SCNN1G: variants seen among roughly 807,000 people sequenced by gnomAD.
SCNN1G encodes the protein sodium channel epithelial 1 subunit gamma.
A neutral mutation model predicts 64.6 loss-of-function variants in SCNN1G; 27 were observed. That is an observed-to-expected ratio of 0.42 (90% CI 0.31 to 0.58). The LOEUF (loss-of-function observed/expected upper bound fraction) is 0.58. Ranked by LOEUF, SCNN1G falls within the 20% of genes least tolerant of loss-of-function variation. SCNN1G has a pLI of 0.18. For synonymous variants in SCNN1G, 330 were observed against 314.2 expected, an observed-to-expected ratio of 1.05 and a Z score of -0.53; for missense variants, 743 against 823.4, an observed-to-expected ratio of 0.90 and a Z score of 1.19.
At position 23,215,195 on chromosome 16, in the gene SCNN1G, C is replaced by T; in HGVS notation, c.1676C>T (p.Ser559Phe). The change falls in exon 13 of 13, where the codon TCT becomes TTT. Residue 559 changes from serine (S) to phenylalanine (F), a missense_variant. Ser to Phe is a radical substitution (Grantham distance 155, BLOSUM62 -2). Transcript: ENST00000300061. ...IIEVFFIDFF[S>F]IIARRQWQKA... ...GAGGTCTTCTTCATTGACTTCTTCT[C>T]TATCATTGCCCGCCGCCAGTGGCAG... 6.2e-7 allele frequency: 1 copy of T among 1,614,182 alleles called. No individual in the cohort carries two copies. The highest frequency in any genetic ancestry group is 8.5e-7 in the Non-Finnish European group (1 of 1,180,036).
At chr16:23,183,335 G>A (rs1337293701) in intron 1 of SCNN1G, among the ~76,000 whole-genome samples, 3 of 152,226 alleles carry the variant, frequency 2.0e-5, no homozygotes, top group Admixed American at 6.5e-5. Flanking sequence ...AGGGCTGCGG[G>A]GTCGCTCGGC....
At position 23,212,151 on chromosome 16, in the gene SCNN1G, A is replaced by G; in HGVS notation, c.1294A>G (p.Met432Val). ...CAACTACCAGCAGCACCCCAACTGGAGTGAGTGAGACCCAGCTCCAGCCTT... is the reference window on the plus strand; with the variant it reads ...CAACTACCAGCAGCACCCCAACTGGGGTGAGTGAGACCCAGCTCCAGCCTT... ...YCNYQQHPNW[M>V]YCYYQLHRAF... Residue 432 changes from methionine (M) to valine (V), a missense_variant and splice_region_variant, in exon 8 of 13, where the codon ATG (methionine) becomes GTG (valine). Coordinates refer to ENST00000300061, the MANE Select transcript of SCNN1G (RefSeq NM_001039.4). 6.3e-7 allele frequency: 1 copy of G among 1,598,778 alleles called. No individual in the cohort carries two copies. Among genetic ancestry groups the G allele is most frequent in the Non-Finnish European group, 8.6e-7 (1 of 1,166,236 alleles).
At chr16:23,193,737 T>G (rs1176597338) in intron 4 of SCNN1G, among the ~76,000 whole-genome samples, 3 of 152,226 alleles carry the variant, frequency 2.0e-5, no homozygotes, top group African/African-American at 7.2e-5. Flanking sequence ...TTGGTTCTTG[T>G]GAAAAGTAAA....
rs1959638274 is a variant in SCNN1G at position 23,187,788 on chromosome 16, G to A, written c.317+1200G>A. 3.9e-5 allele frequency among the ~76,000 whole-genome samples: 6 copies of A among 152,320 alleles called. No individual in the cohort carries two copies. In the South Asian group the frequency reaches 1.2e-3, roughly 32 times the overall value. On this transcript the variant is annotated intron_variant, in intron 2 of 12. Transcript: ENST00000300061. ...GACCTGTTCTAAATGGGTCATCAGAGTCCTTCTCAGGATTATGGAAAACTG... is the reference window on the plus strand; with the variant it reads ...GACCTGTTCTAAATGGGTCATCAGAATCCTTCTCAGGATTATGGAAAACTG...
chr16:23,213,140 G>T lies in SCNN1G; in HGVS notation c.1470G>T (p.Arg490=), dbSNP rs1960107677. 6 of 1,613,398 alleles carry T rather than the reference G, an allele frequency of 3.7e-6. No homozygotes were observed. Among genetic ancestry groups the T allele is most frequent in the Non-Finnish European group, 3.4e-6 (4 of 1,179,784 alleles). Residue 490 remains arginine, a synonymous_variant, in exon 11 of 13, where the codon CGG becomes CGT. Coordinates refer to ENST00000300061, the MANE Select transcript of SCNN1G (RefSeq NM_001039.4). ...LLPVLTWDQG[R]QVNKKLNKTD... ...CTGTTCTCACTTGGGACCAAGGCCG[G>T]CAAGTAAACAAAAAGCTCAACAAGT...
At chr16:23,192,730 C>T (rs1331445517) in intron 4 of SCNN1G, among the ~76,000 whole-genome samples, 188 bp downstream of exon 4, 2 of 152,082 alleles carry the variant, frequency 1.3e-5, no homozygotes, top group Non-Finnish European at 2.9e-5. Flanking sequence ...GTATACATGA[C>T]ATAAAATCAA....
chr16:23,215,319 T>C lies in SCNN1G; in HGVS notation c.1800T>C (p.Asp600=). ...ACAATCCAGCCCTGGATATAGACGA[T>C]GACCTACCCACTTTCAACTCTGCTT... ...GQDNPALDID[D]DLPTFNSALH... Residue 600 remains aspartate, a synonymous_variant, in exon 13 of 13, where the codon GAT becomes GAC. Transcript: ENST00000300061. 6.2e-7 allele frequency: 1 copy of C among 1,614,172 alleles called. No individual in the cohort carries two copies. Among genetic ancestry groups the C allele is most frequent in the Non-Finnish European group, 8.5e-7 (1 of 1,180,022 alleles).
rs560737933 is a variant in SCNN1G at position 23,213,651 on chromosome 16, G to A, written c.1493+488G>A. On this transcript the variant is annotated intron_variant, in intron 11 of 12. Coordinates refer to ENST00000300061, the MANE Select transcript of SCNN1G (RefSeq NM_001039.4). ...GCCATGTGAACTCACATTTCTCTAA[G>A]CCATCACTATCTCCCTCATGCGCAC... 3.3e-5 allele frequency among the ~76,000 whole-genome samples: 5 copies of A among 152,274 alleles called. No homozygotes were observed. In the East Asian group the frequency reaches 7.7e-4, roughly 24 times the overall value.
At chr16:23,212,457 G>C (rs1960095144) in intron 8 of SCNN1G, among the ~76,000 whole-genome samples, 2 of 152,214 alleles carry the variant, frequency 1.3e-5, no homozygotes, top group Non-Finnish European at 2.9e-5. Flanking sequence ...AACAGAGCTG[G>C]ATCCAAACCA....
At chr16:23,207,068 A>G (rs1212475676) in intron 6 of SCNN1G, among the ~76,000 whole-genome samples, 1 of 152,170 alleles carries the variant, frequency 6.6e-6, no homozygotes, top group African/African-American at 2.4e-5. Context: ...AACAACCTGA[A>G]CCTTTCAAGA....
chr16:23,198,271 C>T (rs935212365), intron 6 of SCNN1G, among the ~76,000 whole-genome samples: 1 of 152,160 alleles, frequency 6.6e-6, no homozygotes, highest in Non-Finnish European at 1.5e-5. Flanking sequence ...ACTCCAATCC[C>T]CGAGTCAGCC....
At chr16:23,186,874 C>G (rs897504734) in intron 2 of SCNN1G, among the ~76,000 whole-genome samples, 1 of 151,950 alleles carries the variant, frequency 6.6e-6, no homozygotes, top group African/African-American at 2.4e-5. Context: ...TGCAGTGGTG[C>G]GATCTCGGCT....
chr16:23,182,840 C>G (rs1482796803), intron 1 of SCNN1G, 27 bp downstream of exon 1: 3 of 152,444 alleles, frequency 2.0e-5, no homozygotes, highest in African/African-American at 7.2e-5. Flanking sequence ...TGGGTCGGAC[C>G]AGCTCGGGGG....
intron 4 of SCNN1G, among the ~76,000 whole-genome samples, chr16:23,193,034 A>T (rs1278588961): frequency 7.2e-6 from 1 of 138,080 alleles, no homozygotes; most frequent in Non-Finnish European, 1.5e-5. Context: ...GCACTACTGC[A>T]CTCAAGCCTG....
chr16:23,192,692 G>C, intron 4 of SCNN1G, 150 bp downstream of exon 4: 1 of 704,356 alleles, frequency 1.4e-6, no homozygotes, highest in Non-Finnish European at 2.6e-6. Flanking sequence ...GCTTACATGG[G>C]AGCTGTGTTC....
At position 23,213,157 on chromosome 16, in the gene SCNN1G, T is replaced by C; in HGVS notation, c.1487T>C (p.Leu496Pro). The part of the protein sequence containing the change: ...WDQGRQVNKK[L>P]NKTDLAKLLI... ...CAAGGCCGGCAAGTAAACAAAAAGC[T>C]CAACAAGTAAGTTACCTCTACCCTG... The change falls in exon 11 of 13, where the codon CTC (leucine) becomes CCC (proline). Residue 496 changes from leucine (L) to proline (P), a missense_variant. Leu to Pro is a moderately conservative substitution (Grantham distance 98). Coordinates refer to ENST00000300061, the MANE Select transcript of SCNN1G (RefSeq NM_001039.4). The C allele has an allele frequency of 1.9e-6, 3 of 1,610,656 alleles. No individual in the cohort carries two copies. In the East Asian group the frequency reaches 6.7e-5, roughly 36 times the overall value.
chr16:23,211,117 T>C (rs1306432930), intron 7 of SCNN1G, among the ~76,000 whole-genome samples: 1 of 152,218 alleles, frequency 6.6e-6, no homozygotes, highest in Non-Finnish European at 1.5e-5. Flanking sequence ...ACACACACCT[T>C]ACATGTATCA....
chr16:23,208,305 C>T (rs1173293605), intron 6 of SCNN1G, among the ~76,000 whole-genome samples: 3 of 152,032 alleles, frequency 2.0e-5, no homozygotes, highest in Admixed American at 6.6e-5. Context: ...CTTGATTGTG[C>T]CACTGCACTC....
intron 10 of SCNN1G, 76 bp from the exon 11 acceptor site, chr16:23,213,026 T>C (rs1279166484): frequency 3.3e-6 from 5 of 1,532,274 alleles, no homozygotes; most frequent in African/African-American, 1.4e-5. Context: ...GGGGGACAAG[T>C]TGGGGAGCCT....
Sources: allele counts gnomAD v4.1 joint callset (sites outside exome capture counted in the v4.1 genomes callset), GRCh38; gene constraint gnomAD v4.1.1; transcripts MANE v1.5; gene names NCBI Gene and HGNC (gene_info 2026-07-23, HGNC 2026-07-21).